PAPPA2: variants seen among roughly 807,000 people sequenced by gnomAD.
PAPPA2 encodes the protein pappalysin 2.
In PAPPA2, 86 loss-of-function variants were observed where a neutral mutation model predicts 176.4. The ratio of observed to expected loss-of-function variants is 0.49; its 90% CI spans 0.41 to 0.58. The LOEUF (loss-of-function observed/expected upper bound fraction) is 0.58, where lower values mean the gene tolerates loss of function less well. PAPPA2 is among the 20% of genes least tolerant of loss of function. PAPPA2 has a pLI of 0.00. For missense variants in PAPPA2, 2,073 were observed against 2,256.9 expected (o/e 0.92, Z 1.65); for synonymous variants, 809 against 852.2 (o/e 0.95, Z 0.88).
intron 3 of PAPPA2, among the ~76,000 whole-genome samples, chr1:176,621,489 C>T (rs1265963499): frequency 6.6e-6 from 1 of 152,178 alleles, no homozygotes; most frequent in East Asian, 1.9e-4. Context: ...CTAGTAGCTA[C>T]TATCCAAACT....
At chr1:176,634,206 A>G (rs956650322) in intron 3 of PAPPA2, among the ~76,000 whole-genome samples, 7 of 152,212 alleles carry the variant, frequency 4.6e-5, no homozygotes, top group African/African-American at 1.7e-4. Flanking sequence ...ATGCCCAAAA[A>G]TGATAGACTG....
intron 8 of PAPPA2, among the ~76,000 whole-genome samples, chr1:176,700,394 A>T (rs1660598614): frequency 6.6e-6 from 1 of 152,260 alleles, no homozygotes; most frequent in Non-Finnish European, 1.5e-5. Context: ...TTTTTGCTGC[A>T]TTAGAAATCA....
At chr1:176,780,879 C>T (rs1664680083) in intron 17 of PAPPA2, among the ~76,000 whole-genome samples, 1 of 152,128 alleles carries the variant, frequency 6.6e-6, no homozygotes, top group Admixed American at 6.5e-5. Flanking sequence ...GTTTCTCAAC[C>T]ATGCACTGAT....
chr1:176,557,372 G>T lies in PAPPA2; in HGVS notation c.919+131G>T, dbSNP rs772586404. ...AGCCAGAAAGGGCTAGCCAGGGAGAGGGGGAAGGGCCTTTATTAATCAGCA... is the reference window on the plus strand; with the variant it reads ...AGCCAGAAAGGGCTAGCCAGGGAGATGGGGAAGGGCCTTTATTAATCAGCA... On this transcript the variant is annotated intron_variant, in intron 2 of 22. Transcript: ENST00000367662. 27 of 1,037,576 alleles carry T rather than the reference G, an allele frequency of 2.6e-5. No individual in the cohort carries two copies. In the South Asian group the frequency reaches 4.6e-4, roughly 18 times the overall value. 64.3% of individuals were successfully genotyped at this position (1,037,576 alleles called of 1,614,324 possible).
chr1:176,775,914 A>G (rs1312411489), intron 17 of PAPPA2, among the ~76,000 whole-genome samples: 1 of 152,114 alleles, frequency 6.6e-6, no homozygotes, highest in Non-Finnish European at 1.5e-5. Context: ...AGACTTTTTT[A>G]TTTTTGAAGG....
intron 2 of PAPPA2, among the ~76,000 whole-genome samples, chr1:176,565,835 G>A (rs1651943424): frequency 1.3e-5 from 2 of 152,276 alleles, no homozygotes; most frequent in Non-Finnish European, 1.5e-5. Flanking sequence ...TGATGCTGAC[G>A]CCTCTGAAAT....
chr1:176,618,449 T>C (rs1379654251), intron 3 of PAPPA2, among the ~76,000 whole-genome samples: 1 of 152,240 alleles, frequency 6.6e-6, no homozygotes, highest in Non-Finnish European at 1.5e-5. Context: ...TCAAATGAAC[T>C]GAGAAATAAG....
In PAPPA2 at chr1:176,598,372, GACTA is replaced by G. The variant is rs772789565; in HGVS notation, c.1991+2781_1991+2784del. ...CATTGATTTCTGATGATACAGACAA[GACTA>G]ACTCTCTTACATTATCTCCTTCCTT... On this transcript the variant is annotated intron_variant, in intron 3 of 22. Coordinates refer to ENST00000367662, the MANE Select transcript of PAPPA2 (RefSeq NM_020318.3). 3.2e-4 allele frequency among the ~76,000 whole-genome samples: 48 copies of G among 152,094 alleles called. 1 individual carries two copies. In the Middle Eastern group the frequency reaches 0.01, roughly 32 times the overall value.
At chr1:176,673,162 T>C (rs1202762184) in intron 4 of PAPPA2, among the ~76,000 whole-genome samples, 2 of 152,190 alleles carry the variant, frequency 1.3e-5, no homozygotes, top group Admixed American at 6.6e-5. Context: ...CAAAGGATTT[T>C]TGATACAGCT....
chr1:176,569,005 A>G (rs1235588699), intron 2 of PAPPA2, among the ~76,000 whole-genome samples: 5 of 152,130 alleles, frequency 3.3e-5, no homozygotes, highest in African/African-American at 1.2e-4. Context: ...TTACCTTTTC[A>G]ATCTCATCAC....
At chr1:176,522,773 C>T (rs960460102) in intron 1 of PAPPA2, among the ~76,000 whole-genome samples, 1 of 152,148 alleles carries the variant, frequency 6.6e-6, no homozygotes, top group African/African-American at 2.4e-5. Flanking sequence ...GGTGTTGTTT[C>T]TTTCTAACTC....
intron 2 of PAPPA2, among the ~76,000 whole-genome samples, chr1:176,574,408 G>A: frequency 6.6e-6 from 1 of 152,142 alleles, no homozygotes; most frequent in East Asian, 1.9e-4. Flanking sequence ...CAGCTATTAA[G>A]TTTGGTTTAT....
At chr1:176,607,406 C>A (rs1654676313) in intron 3 of PAPPA2, among the ~76,000 whole-genome samples, 1 of 152,204 alleles carries the variant, frequency 6.6e-6, no homozygotes, top group African/African-American at 2.4e-5. Context: ...ATTCTACTCT[C>A]TACCTTTGTG....
At chr1:176,703,320 T>C (rs1451891011) in intron 9 of PAPPA2, among the ~76,000 whole-genome samples, 1 of 152,200 alleles carries the variant, frequency 6.6e-6, no homozygotes, top group East Asian at 1.9e-4. Context: ...CATACTATGT[T>C]ACTTTTCTTG....
intron 21 of PAPPA2, among the ~76,000 whole-genome samples, chr1:176,802,081 C>T (rs577776672): frequency 6.6e-6 from 1 of 152,236 alleles, no homozygotes; most frequent in South Asian, 2.1e-4. Context: ...TTCTCAGGCC[C>T]CCGAATACCT....
At chr1:176,825,116 T>C (rs1225354150) in intron 21 of PAPPA2, among the ~76,000 whole-genome samples, 1 of 152,220 alleles carries the variant, frequency 6.6e-6, no homozygotes, top group Non-Finnish European at 1.5e-5. Flanking sequence ...CTTCCTGCCT[T>C]TCCTCCTCTT....
At chr1:176,726,655 G>C (rs1661888937) in intron 12 of PAPPA2, among the ~76,000 whole-genome samples, 1 of 152,210 alleles carries the variant, frequency 6.6e-6, no homozygotes, top group South Asian at 2.1e-4. Flanking sequence ...TAAAAGATGG[G>C]CTGCAGTTCG....
At chr1:176,732,368 C>T (rs59595054) in intron 12 of PAPPA2, among the ~76,000 whole-genome samples, 27,986 of 152,074 alleles carry the variant, frequency 0.18, 2,634 homozygotes, top group Middle Eastern at 0.25. Context: ...GTTAAGTGAC[C>T]TTATAAAAAT....
intron 3 of PAPPA2, among the ~76,000 whole-genome samples, chr1:176,647,491 C>T (rs1657468028): frequency 6.6e-6 from 1 of 151,458 alleles, no homozygotes; most frequent in South Asian, 2.1e-4. Context: ...TTAGCCCAGT[C>T]CAATGCCATG....
Sources: allele counts gnomAD v4.1 joint callset (sites outside exome capture counted in the v4.1 genomes callset), GRCh38; gene constraint gnomAD v4.1.1; transcripts MANE v1.5; gene names NCBI Gene and HGNC (gene_info 2026-07-23, HGNC 2026-07-21).